Variants in ZFHX3 observed in about 807,000 individuals in gnomAD.
ZFHX3 encodes the protein zinc finger homeobox protein 3.
Under a neutral mutation model 279.1 loss-of-function variants are expected in ZFHX3, and 42 were observed. That is an observed-to-expected ratio of 0.15 (90% CI 0.12 to 0.19). The LOEUF is 0.19. Ranked by LOEUF, ZFHX3 falls within the 10% of genes least tolerant of loss-of-function variation. The probability of loss-of-function intolerance (pLI) is 1.00; values close to 1 mark genes in which losing one functional copy is unlikely to be tolerated. For missense variants in ZFHX3, 4,981 were observed against 4,754.0 expected (o/e 1.05, Z -1.40); for synonymous variants, 2,293 against 1,957.8 (o/e 1.17, Z -4.52).
chr16:72,980,412 T>G (rs190395508), intron 1 of ZFHX3, among the ~76,000 whole-genome samples: 1 of 152,062 alleles, frequency 6.6e-6, no homozygotes, highest in African/African-American at 2.4e-5. Flanking sequence ...AAAAGCCATT[T>G]TGGGGACAAT....
At chr16:73,648,664 G>A (rs1406453448) in intron 2 of ZFHX3, among the ~76,000 whole-genome samples, 3 of 152,086 alleles carry the variant, frequency 2.0e-5, no homozygotes, top group South Asian at 2.1e-4. Flanking sequence ...CACCCGCCTT[G>A]GCCTCCCAAA....
chr16:73,850,279 C>T, intron 1 of ZFHX3, among the ~76,000 whole-genome samples: 1 of 152,162 alleles, frequency 6.6e-6, no homozygotes. Flanking sequence ...GTTTCCTCAA[C>T]TACAAAAGAT....
Position 73,625,379 on chromosome 16 carries a change from G to A in ZFHX3, c.-1547+54801C>T, listed in dbSNP as rs1030498831. On this transcript the variant is annotated intron_variant, in intron 2 of 17. Transcript: ENST00000641206. ...CTAACTCAATGTGTTCATACTTAAG[G>A]AAGTTTAAATGTAATAGAAGCAACC... Among the ~76,000 whole-genome samples the A allele has an allele frequency of 2.0e-5, 3 of 152,186 alleles. No homozygotes were observed. The South Asian group carries it at 6.2e-4, about 32-fold the overall frequency.
In ZFHX3 at chr16:73,023,761, C is replaced by T. The variant is rs12102454; in HGVS notation, c.-50+23991G>A. ...CTTCATGTCATCTTGCCACCACCCA[C>T]GCCAATCCTTGAGCCTAGAGTAACG... is the stretch of plus-strand genomic sequence containing the variant. On this transcript the variant is annotated intron_variant, in intron 1 of 9. Transcript: ENST00000268489. Among the ~76,000 whole-genome samples, 1,258 of 152,308 alleles carry T rather than the reference C, an allele frequency of 8.3e-3. 19 individuals carry two copies. Among genetic ancestry groups the T allele is most frequent in the African/African-American group, 0.028 (1,174 of 41,556 alleles).
chr16:72,929,195 G>A (rs1406016536), intron 3 of ZFHX3, among the ~76,000 whole-genome samples: 2 of 148,972 alleles, frequency 1.3e-5, no homozygotes, highest in Admixed American at 6.7e-5. Flanking sequence ...CCGAGATGGC[G>A]CCACTGCACT....
intron 3 of ZFHX3, among the ~76,000 whole-genome samples, chr16:72,904,554 A>G (rs1336950287): frequency 6.6e-6 from 1 of 151,850 alleles, no homozygotes; most frequent in Non-Finnish European, 1.5e-5. Context: ...TCAGATTTCA[A>G]TCCTCCACTC....
At chr16:73,668,640 CT>C (rs111584639) in intron 2 of ZFHX3, among the ~76,000 whole-genome samples, 6,068 of 141,648 alleles carry the variant, frequency 0.043, 319 homozygotes, top group African/African-American at 0.13. Flanking sequence ...TAAACTCATC[CT>C]TTTTTTTTTT....
chr16:73,763,839 C>G (rs1269087429), intron 1 of ZFHX3, among the ~76,000 whole-genome samples: 3 of 151,010 alleles, frequency 2.0e-5, no homozygotes, highest in African/African-American at 7.3e-5. Flanking sequence ...GATTCTCCCT[C>G]TCCCTTGCTG....
chr16:73,052,131 G>T (rs1419123136), upstream of ZFHX3, among the ~76,000 whole-genome samples: 1 of 152,024 alleles, frequency 6.6e-6, no homozygotes, highest in African/African-American at 2.4e-5. Context: ...GGGGAAGCAG[G>T]TTGGAAGGAG....
At chr16:73,007,057 C>A (rs1295421515) in intron 1 of ZFHX3, among the ~76,000 whole-genome samples, 1 of 152,142 alleles carries the variant, frequency 6.6e-6, no homozygotes, top group Non-Finnish European at 1.5e-5. Context: ...ACTATGAAGG[C>A]CAACTATATT....
intron 4 of ZFHX3, among the ~76,000 whole-genome samples, chr16:73,299,823 C>T (rs1252446475): frequency 6.6e-6 from 1 of 152,148 alleles, no homozygotes; most frequent in Non-Finnish European, 1.5e-5. Flanking sequence ...GCTTCTAAGT[C>T]AATTCTCCAC....
intron 3 of ZFHX3, among the ~76,000 whole-genome samples, chr16:73,425,078 C>A (rs541102888): frequency 1.3e-5 from 2 of 152,328 alleles, no homozygotes; most frequent in African/African-American, 4.8e-5. Context: ...CCTCTCTGCC[C>A]TGACCAGTGC....
chr16:73,572,872 T>C (rs2051756424), intron 2 of ZFHX3, among the ~76,000 whole-genome samples: 2 of 152,248 alleles, frequency 1.3e-5, no homozygotes, highest in African/African-American at 2.4e-5. Flanking sequence ...CTGCCTTCAA[T>C]GCGGCCACTC....
intron 3 of ZFHX3, among the ~76,000 whole-genome samples, chr16:72,897,704 G>A (rs1444236181): frequency 6.6e-6 from 1 of 152,134 alleles, no homozygotes; most frequent in Non-Finnish European, 1.5e-5. Context: ...GCCTCCCAAA[G>A]TGCTAGGATT....
At chr16:73,709,699 G>A (rs1597076389) in intron 1 of ZFHX3, among the ~76,000 whole-genome samples, 1 of 152,040 alleles carries the variant, frequency 6.6e-6, no homozygotes, top group Admixed American at 6.6e-5. Flanking sequence ...GAGATCTAGT[G>A]TACAACATGA....
intron 3 of ZFHX3, among the ~76,000 whole-genome samples, chr16:72,899,536 C>T (rs762426902): frequency 5.9e-5 from 9 of 152,138 alleles, no homozygotes; most frequent in African/African-American, 1.9e-4. Context: ...AGCGTGAGAA[C>T]GAACTAATAC....
chr16:73,890,878 C>A (rs2030512323), intron 1 of ZFHX3, among the ~76,000 whole-genome samples: 1 of 152,122 alleles, frequency 6.6e-6, no homozygotes, highest in Non-Finnish European at 1.5e-5. Context: ...ACCACCACCA[C>A]CATCACCATC....
At chr16:73,741,336 G>T (rs1291248028) in intron 1 of ZFHX3, among the ~76,000 whole-genome samples, 1 of 152,114 alleles carries the variant, frequency 6.6e-6, no homozygotes, top group Non-Finnish European at 1.5e-5. Flanking sequence ...TGCCAATTAG[G>T]GAAATGCTAA....
intron 7 of ZFHX3, among the ~76,000 whole-genome samples, chr16:72,811,169 G>A (rs532543167): frequency 2.2e-4 from 33 of 152,324 alleles, no homozygotes; most frequent in African/African-American, 7.7e-4. Flanking sequence ...AGAGGTGTGA[G>A]CTAGTGTGCC....
Sources: gnomAD v4.1 joint callset for allele counts (sites outside exome capture counted in the v4.1 genomes callset) on GRCh38, gnomAD v4.1.1 for gene constraint, MANE v1.5 for transcripts, NCBI Gene and HGNC (gene_info 2026-07-23, HGNC 2026-07-21) for gene names.